The following TNRC6B variants were observed in gnomAD, a reference collection of about 807,000 sequenced individuals.
TNRC6B encodes trinucleotide repeat-containing gene 6B protein.
A neutral mutation model predicts 203.6 loss-of-function variants in TNRC6B; 52 were observed. That is an observed-to-expected ratio of 0.26 (90% CI 0.20 to 0.32). The LOEUF is 0.32. TNRC6B is among the 10% of genes least tolerant of loss of function. The pLI, the probability that TNRC6B is intolerant of heterozygous loss-of-function variation, is 1.00. For missense variants in TNRC6B, 1,923 were observed against 2,286.2 expected (o/e 0.84, Z 3.24); for synonymous variants, 838 against 845.7 (o/e 0.99, Z 0.16).
At chr22:40,102,526 A>G (rs2146305945) in intron 1 of TNRC6B, among the ~76,000 whole-genome samples, 1 of 152,356 alleles carries the variant, frequency 6.6e-6, no homozygotes, top group South Asian at 2.1e-4. Flanking sequence ...ATATGTGAGA[A>G]TCATAGCTAG....
At chr22:40,172,231 C>T (rs977554692) in intron 4 of TNRC6B, among the ~76,000 whole-genome samples, 10 of 152,152 alleles carry the variant, frequency 6.6e-5, no homozygotes, top group Admixed American at 2.0e-4. Context: ...GAAAAGCCTT[C>T]CCTGTGCACC....
intron 3 of TNRC6B, among the ~76,000 whole-genome samples, chr22:40,133,167 C>T (rs574402581): frequency 2.1e-4 from 32 of 151,606 alleles, no homozygotes; most frequent in Admixed American, 7.9e-4. Context: ...AAATGTAATG[C>T]TCATTTTTCT....
rs2070701356 is a variant in TNRC6B, at chr22:40,279,905, C to G, written c.3263-90C>G. The G allele has an allele frequency of 2.7e-6, 3 of 1,115,204 alleles. No individual in the cohort carries two copies. The Admixed American group carries it at 5.7e-5, about 21-fold the overall frequency. The allele number at this position is 1,115,204 out of a possible 1,614,324, so 69.1% of individuals were successfully genotyped here. A position where few individuals can be genotyped will look rare whatever the true frequency, so the allele number is the denominator to read the frequency against. On this transcript the variant is annotated intron_variant, in intron 9 of 22. Transcript: ENST00000454349. Reference sequence around the variant, plus strand: ...AAATATTAATAGCTTATACCCAGCACCCCCATGAGGATAGTGGGGCAGGTC... The same window carrying G: ...AAATATTAATAGCTTATACCCAGCAGCCCCATGAGGATAGTGGGGCAGGTC...
intron 5 of TNRC6B, among the ~76,000 whole-genome samples, chr22:40,268,590 CTG>C (rs2070512444): frequency 6.6e-6 from 1 of 152,278 alleles, no homozygotes; most frequent in Non-Finnish European, 1.5e-5. Context: ...AACCTTCAAA[CTG>C]TGTGGAAAAG....
intron 1 of TNRC6B, among the ~76,000 whole-genome samples, chr22:40,081,307 G>GTTTTTTTTT (rs34140652): frequency 3.0e-5 from 3 of 101,494 alleles, no homozygotes; most frequent in Non-Finnish European, 5.7e-5. Flanking sequence ...GTGTCTGCGT[G>GTTTTTTTTT]TTTTTTTTTT....
intron 3 of TNRC6B, among the ~76,000 whole-genome samples, chr22:40,152,575 G>A (rs746647764): frequency 1.2e-4 from 19 of 152,098 alleles, no homozygotes; most frequent in Admixed American, 2.0e-4. Context: ...TGATCCGCCC[G>A]CCTTGGCCTC....
chr22:40,214,937 G>T (rs2069615478), intron 1 of TNRC6B, among the ~76,000 whole-genome samples: 1 of 152,096 alleles, frequency 6.6e-6, no homozygotes, highest in Admixed American at 6.5e-5. Context: ...AATAAAGCAG[G>T]TCTCCCTTGG....
At chr22:40,095,592 G>A (rs771637986) in intron 1 of TNRC6B, among the ~76,000 whole-genome samples, 6 of 151,636 alleles carry the variant, frequency 4.0e-5, no homozygotes, top group Non-Finnish European at 8.8e-5. Context: ...ACCATGATTT[G>A]TGACCATGAA....
intron 1 of TNRC6B, among the ~76,000 whole-genome samples, chr22:40,080,916 GTGCAATCTCAGCTCAC>G (rs1343679674): frequency 6.6e-6 from 1 of 151,576 alleles, no homozygotes; most frequent in Non-Finnish European, 1.5e-5. Flanking sequence ...GAGTGCAGTG[GTGCAATCTCAGCTCAC>G]TGCAAGCTCT....
intron 1 of TNRC6B, among the ~76,000 whole-genome samples, chr22:40,240,436 A>G (rs983204597): frequency 6.6e-5 from 10 of 152,216 alleles, no homozygotes; most frequent in African/African-American, 2.4e-4. Context: ...AGATTAGTAC[A>G]GCACACTGGG....
chr22:40,203,545 G>A (rs2069440611), intron 1 of TNRC6B, among the ~76,000 whole-genome samples: 1 of 152,102 alleles, frequency 6.6e-6, no homozygotes, highest in African/African-American at 2.4e-5. Flanking sequence ...TGGGAAAACA[G>A]CCTAAAAAAC....
intron 1 of TNRC6B, among the ~76,000 whole-genome samples, chr22:40,208,416 GC>G (rs1402860487): frequency 6.6e-6 from 1 of 152,162 alleles, no homozygotes. Flanking sequence ...CCATCAGTAG[GC>G]AAATGTATAA....
intron 3 of TNRC6B, among the ~76,000 whole-genome samples, chr22:40,145,183 C>A (rs2068682440): frequency 6.6e-6 from 1 of 151,888 alleles, no homozygotes; most frequent in Admixed American, 6.6e-5. Context: ...GATGTCAAGG[C>A]TTCAGTGAGT....
intron 1 of TNRC6B, among the ~76,000 whole-genome samples, chr22:40,085,570 AGT>A (rs1322889327): frequency 6.6e-6 from 1 of 152,166 alleles, no homozygotes; most frequent in Non-Finnish European, 1.5e-5. Context: ...TGCAAGGAAG[AGT>A]GTTCCTTTAC....
intron 1 of TNRC6B, among the ~76,000 whole-genome samples, chr22:40,114,343 C>A (rs944681987): frequency 6.6e-6 from 1 of 152,030 alleles, no homozygotes; most frequent in Non-Finnish European, 1.5e-5. Context: ...TTTTTTGAGA[C>A]TGGGTCTTAC....
At chr22:40,185,863 A>T (rs1259031830) in intron 1 of TNRC6B, among the ~76,000 whole-genome samples, 2 of 152,196 alleles carry the variant, frequency 1.3e-5, no homozygotes, top group African/African-American at 4.8e-5. Context: ...CTATAAGGCT[A>T]TGGCCATGCA....
chr22:40,276,371 G>T (rs2070645315), intron 7 of TNRC6B, among the ~76,000 whole-genome samples: 2 of 151,626 alleles, frequency 1.3e-5, no homozygotes, highest in South Asian at 4.2e-4. Context: ...ACAACATAGA[G>T]AATTTTCACC....
intron 4 of TNRC6B, 127 bp downstream of exon 4, chr22:40,262,300 G>T: frequency 1.2e-6 from 1 of 856,294 alleles, no homozygotes. Context: ...CAAAAGATGA[G>T]AGAGGATCCT....
chr22:40,301,351 A>G lies in TNRC6B; in HGVS notation c.4120+18A>G. ...TGGTTCTGGTAAGTTGTTGGTAGAG[A>G]AAATTACCTTTTTAGAAATCTACCT... On this transcript the variant is annotated intron_variant, in intron 15 of 22. Coordinates refer to ENST00000454349, the MANE Select transcript of TNRC6B (RefSeq NM_001162501.2). 6.3e-7 allele frequency: 1 copy of G among 1,599,816 alleles called. No homozygotes were observed. Among genetic ancestry groups the G allele is most frequent in the Middle Eastern group, 1.7e-4 (1 of 6,046 alleles).
Sources: allele counts gnomAD v4.1 joint callset (sites outside exome capture counted in the v4.1 genomes callset), GRCh38; gene constraint gnomAD v4.1.1; transcripts MANE v1.5; gene names NCBI Gene and HGNC (gene_info 2026-07-23, HGNC 2026-07-21).